Variants in PDGFD observed in about 807,000 individuals in gnomAD.
The protein encoded by PDGFD is platelet derived growth factor D, also known as platelet-derived growth factor D.
In PDGFD, 30 loss-of-function variants were observed where a neutral mutation model predicts 44.7. The observed-to-expected ratio is 0.67, with a 90% CI of 0.50 to 0.91. The LOEUF (loss-of-function observed/expected upper bound fraction) is 0.91, where lower values mean the gene tolerates loss of function less well. PDGFD is among the 40% of genes least tolerant of loss of function. The probability of loss-of-function intolerance (pLI) is 0.00; values close to 1 mark genes in which losing one functional copy is unlikely to be tolerated. For missense variants in PDGFD, 445 were observed against 457.8 expected (o/e 0.97, Z 0.25); for synonymous variants, 173 against 168.4 (o/e 1.03, Z -0.21).
chr11:104,084,190 C>T (rs141334728), intron 1 of PDGFD, among the ~76,000 whole-genome samples: 1 of 152,250 alleles, frequency 6.6e-6, no homozygotes, highest in East Asian at 1.9e-4. Flanking sequence ...TATGGAACTC[C>T]CAGCCTAGCT....
chr11:104,035,836 T>C (rs1268115898), intron 1 of PDGFD, among the ~76,000 whole-genome samples: 1 of 152,182 alleles, frequency 6.6e-6, no homozygotes, highest in African/African-American at 2.4e-5. Flanking sequence ...AAGATGCTCA[T>C]CCTTCAACAT....
chr11:104,041,315 C>A (rs1022735589), intron 1 of PDGFD, among the ~76,000 whole-genome samples: 1 of 151,864 alleles, frequency 6.6e-6, no homozygotes, highest in Admixed American at 6.6e-5. Context: ...TATGTTGGTA[C>A]AAAAGAATAC....
chr11:104,086,774 G>A (rs1260603836), intron 1 of PDGFD, among the ~76,000 whole-genome samples: 5 of 152,110 alleles, frequency 3.3e-5, no homozygotes, highest in Admixed American at 6.6e-5. Context: ...AGTGAAAACC[G>A]AGGCAAATGT....
At chr11:104,122,624 T>C (rs1400737110) in intron 1 of PDGFD, among the ~76,000 whole-genome samples, 1 of 152,018 alleles carries the variant, frequency 6.6e-6, no homozygotes, top group African/African-American at 2.4e-5. Context: ...TGTCCTTAAC[T>C]TCCTAGACCA....
intron 5 of PDGFD, among the ~76,000 whole-genome samples, chr11:103,940,754 A>G (rs979117403): frequency 7.9e-5 from 12 of 152,152 alleles, no homozygotes; most frequent in African/African-American, 2.9e-4. Flanking sequence ...GACAGTGGTG[A>G]CTTGCCAGGG....
chr11:103,936,407 A>G (rs977100961), intron 5 of PDGFD, among the ~76,000 whole-genome samples: 3 of 152,210 alleles, frequency 2.0e-5, no homozygotes, highest in Admixed American at 6.5e-5. Context: ...ATTTTTGAAA[A>G]ATCAAAACTT....
intron 3 of PDGFD, among the ~76,000 whole-genome samples, chr11:103,958,920 A>G (rs1858895733): frequency 6.6e-6 from 1 of 152,214 alleles, no homozygotes; most frequent in South Asian, 2.1e-4. Context: ...TTATTCCATT[A>G]CTAATTAAAA....
intron 6 of PDGFD, among the ~76,000 whole-genome samples, chr11:103,910,285 A>T (rs1255946982): frequency 2.0e-5 from 3 of 152,204 alleles, no homozygotes; most frequent in Admixed American, 2.0e-4. Context: ...GAAGTAAAAC[A>T]TGTTGCCCTG....
At chr11:104,141,849 C>G (rs1407197663) in intron 1 of PDGFD, among the ~76,000 whole-genome samples, 1 of 152,078 alleles carries the variant, frequency 6.6e-6, no homozygotes, top group Non-Finnish European at 1.5e-5. Context: ...TTACTGATAC[C>G]CCTATTTCGA....
chr11:104,117,221 G>C (rs1418613750), intron 1 of PDGFD, among the ~76,000 whole-genome samples: 1 of 151,928 alleles, frequency 6.6e-6, no homozygotes, highest in African/African-American at 2.4e-5. Flanking sequence ...CGACATACAA[G>C]GGACATACCT....
At chr11:104,051,657 GA>G (rs545597052) in intron 1 of PDGFD, among the ~76,000 whole-genome samples, 2,394 of 140,764 alleles carry the variant, frequency 0.017, 65 homozygotes, top group African/African-American at 0.055. Context: ...ATTCCTGAAT[GA>G]AAAAAAAAAA....
At chr11:104,087,019 GTCTTTTT>G (rs1393851405) in intron 1 of PDGFD, among the ~76,000 whole-genome samples, 1 of 94,202 alleles carries the variant, frequency 1.1e-5, no homozygotes, top group African/African-American at 3.9e-5. Flanking sequence ...TAGGCTCTTA[GTCTTTTT>G]TTTTTTTTTT....
intron 1 of PDGFD, among the ~76,000 whole-genome samples, chr11:104,026,997 G>A (rs181328369): frequency 3.3e-5 from 5 of 152,280 alleles, no homozygotes; most frequent in Admixed American, 6.5e-5. Flanking sequence ...TAGATGAACA[G>A]ATTGTCTTTT....
intron 3 of PDGFD, among the ~76,000 whole-genome samples, chr11:103,995,662 G>T (rs1859523893): frequency 6.6e-6 from 1 of 152,120 alleles, no homozygotes; most frequent in South Asian, 2.1e-4. Flanking sequence ...TTCTGTGATA[G>T]AACTTATACA....
At chr11:104,111,213 G>A (rs1056342544) in intron 1 of PDGFD, among the ~76,000 whole-genome samples, 1 of 150,364 alleles carries the variant, frequency 6.7e-6, no homozygotes, top group South Asian at 2.1e-4. Flanking sequence ...CACCTGAATA[G>A]CATTAGGAAC....
At chr11:104,084,250 T>C (rs1224395168) in intron 1 of PDGFD, among the ~76,000 whole-genome samples, 1 of 152,128 alleles carries the variant, frequency 6.6e-6, no homozygotes, top group Non-Finnish European at 1.5e-5. Flanking sequence ...TGGTGGGAAG[T>C]GTTAGGGTGA....
chr11:103,908,364 A>G lies in PDGFD; in HGVS notation c.*1330T>C, dbSNP rs933489695. The stretch of plus-strand genomic sequence containing the variant: ...AATGTAAAACAGTTTTCTATTAAAC[A>G]GTAGGACAGCAGGGCCAAACTTGTG... On this transcript the variant is annotated 3_prime_UTR_variant, in exon 7 of 7. Transcript: ENST00000393158. 2.0e-5 allele frequency: 3 copies of G among 152,238 alleles called. No homozygotes were observed. The highest frequency in any genetic ancestry group is 1.5e-5 in the Non-Finnish European group (1 of 68,034). 9.4% of individuals were successfully genotyped at this position (152,238 alleles called of 1,614,324 possible).
intron 1 of PDGFD, among the ~76,000 whole-genome samples, chr11:104,097,635 T>C (rs913214240): frequency 1.3e-5 from 2 of 152,196 alleles, no homozygotes; most frequent in Non-Finnish European, 2.9e-5. Context: ...ATAACTTATA[T>C]TTGTAGTATA....
At chr11:104,045,621 A>G (rs1860428081) in intron 1 of PDGFD, among the ~76,000 whole-genome samples, 1 of 151,728 alleles carries the variant, frequency 6.6e-6, no homozygotes, top group Non-Finnish European at 1.5e-5. Context: ...CTAATAGGTA[A>G]GGATAGTGAT....
Sources: gnomAD v4.1 joint callset for allele counts (sites outside exome capture counted in the v4.1 genomes callset) on GRCh38, gnomAD v4.1.1 for gene constraint, MANE v1.5 for transcripts, NCBI Gene and HGNC (gene_info 2026-07-23, HGNC 2026-07-21) for gene names.